DLGAP1: variants seen among roughly 807,000 people sequenced by gnomAD.
DLGAP1 encodes disks large-associated protein 1.
Under a neutral mutation model 90.8 loss-of-function variants are expected in DLGAP1, and 11 were observed. That is an observed-to-expected ratio of 0.12 (90% CI 0.08 to 0.20). The LOEUF (loss-of-function observed/expected upper bound fraction) is 0.20. Ranked by LOEUF, DLGAP1 falls within the 10% of genes least tolerant of loss-of-function variation. The probability of loss-of-function intolerance (pLI) is 1.00; values close to 1 mark genes in which losing one functional copy is unlikely to be tolerated. For synonymous variants in DLGAP1, 558 were observed against 540.7 expected (o/e 1.03, Z -0.44); for missense variants, 1,050 against 1,333.8 (o/e 0.79, Z 3.31).
intron 7 of DLGAP1, chr18:3,596,911 A>G (rs539490303): frequency 1.9e-6 from 1 of 520,014 alleles, no homozygotes; most frequent in Admixed American, 1.9e-5. Context: ...AGCAGGCCAA[A>G]TCCTAATCTA....
At chr18:3,700,799 C>T (rs771948799) in intron 7 of DLGAP1, among the ~76,000 whole-genome samples, 61 of 152,056 alleles carry the variant, frequency 4.0e-4, no homozygotes, top group East Asian at 9.7e-4. Flanking sequence ...TTGGTAAAGA[C>T]GGGGTTTCAC....
In DLGAP1 at chr18:4,004,374, C is replaced by T. The variant is rs1046974303; in HGVS notation, c.-73+742G>A. Among the ~76,000 whole-genome samples the T allele has an allele frequency of 2.0e-5, 3 of 152,096 alleles. No homozygotes were observed. In the East Asian group the frequency reaches 5.8e-4, roughly 29 times the overall value. On this transcript the variant is annotated intron_variant, in intron 3 of 12. Transcript: ENST00000315677. The stretch of plus-strand genomic sequence containing the variant: ...ACTCGGGGAACAGCTACCCCCGAGG[C>T]CCTCTGCCTTCCTCCTGCTCTCCGG...
intron 1 of DLGAP1, among the ~76,000 whole-genome samples, chr18:4,358,357 A>G: frequency 6.6e-6 from 1 of 152,140 alleles, no homozygotes. Flanking sequence ...ATAATGAAAA[A>G]TAATTAGTCC....
Position 3,992,832 on chromosome 18 carries a change from TA to T in DLGAP1, c.-73+12283del, listed in dbSNP as rs372065107. Among the ~76,000 whole-genome samples the T allele has an allele frequency of 1.4e-3, 214 of 152,294 alleles. 3 individuals are homozygous for T. The South Asian group carries it at 0.023, about 17-fold the overall frequency. ...ATAACTATCAAGGTTATTTGGCTAA[TA>T]GGGGGTCCCTGGAAGACCTTTAAGA... On this transcript the variant is annotated intron_variant, in intron 3 of 12. Transcript: ENST00000315677.
intron 4 of DLGAP1, among the ~76,000 whole-genome samples, chr18:3,825,703 G>A (rs932853179): frequency 1.3e-5 from 2 of 151,944 alleles, no homozygotes; most frequent in African/African-American, 4.8e-5. Flanking sequence ...CAATTCACAG[G>A]CAGAGAAAAA....
intron 3 of DLGAP1, among the ~76,000 whole-genome samples, chr18:3,987,519 T>TTCCAAGTG (rs2073867235): frequency 6.6e-6 from 1 of 152,206 alleles, no homozygotes; most frequent in Admixed American, 6.5e-5. Flanking sequence ...CCAGGCATCG[T>TTCCAAGTG]TCCAAGTGCT....
chr18:3,753,281 T>C (rs1433702611), intron 5 of DLGAP1, among the ~76,000 whole-genome samples: 1 of 152,192 alleles, frequency 6.6e-6, no homozygotes, highest in Non-Finnish European at 1.5e-5. Context: ...GGTGCTGGCA[T>C]GCTAGCTGTG....
chr18:3,934,230 G>A (rs1164415476), intron 3 of DLGAP1, among the ~76,000 whole-genome samples: 1 of 152,188 alleles, frequency 6.6e-6, no homozygotes, highest in Non-Finnish European at 1.5e-5. Context: ...AAAGTAGATT[G>A]CAGTGATGTG....
chr18:3,963,878 G>T (rs1158543337), intron 3 of DLGAP1, among the ~76,000 whole-genome samples: 2 of 152,138 alleles, frequency 1.3e-5, no homozygotes, highest in Non-Finnish European at 2.9e-5. Flanking sequence ...AAAAAGGAAG[G>T]TAAAGCCCTT....
At position 4,099,266 on chromosome 18, in the gene DLGAP1, GTCTGTCTA is replaced by G. The variant is rs1391870449; in HGVS notation, c.-159+51906_-159+51913del. On this transcript the variant is annotated intron_variant, in intron 2 of 12. Coordinates refer to ENST00000315677, the MANE Select transcript of DLGAP1 (RefSeq NM_004746.4). ...TGTCTGTCTGTCTGTCTGTCTGTCT[GTCTGTCTA>G]TCTATCTATCTATCTGTCTATCATC... 8.0e-4 allele frequency among the ~76,000 whole-genome samples: 117 copies of G among 146,784 alleles called. 1 individual carries two copies. Among genetic ancestry groups the G allele is most frequent in the East Asian group, 3.1e-3 (15 of 4,896 alleles).
intron 3 of DLGAP1, among the ~76,000 whole-genome samples, chr18:3,927,981 G>T (rs972087157): frequency 1.3e-5 from 2 of 152,122 alleles, no homozygotes; most frequent in Non-Finnish European, 2.9e-5. Flanking sequence ...TTAACCAAAA[G>T]ACCTTGAAGA....
chr18:3,903,590 TA>T (rs1280225059), intron 3 of DLGAP1, among the ~76,000 whole-genome samples: 6 of 152,162 alleles, frequency 3.9e-5, no homozygotes, highest in African/African-American at 1.2e-4. Context: ...AAAATTCTCT[TA>T]ACCCTAGACA....
At chr18:3,964,006 G>A (rs1599230566) in intron 3 of DLGAP1, among the ~76,000 whole-genome samples, 1 of 152,194 alleles carries the variant, frequency 6.6e-6, no homozygotes. Context: ...TGTTGCTACT[G>A]GAAAATTTAA....
intron 2 of DLGAP1, among the ~76,000 whole-genome samples, chr18:4,038,207 A>G (rs1419355618): frequency 6.6e-6 from 1 of 152,232 alleles, no homozygotes; most frequent in East Asian, 1.9e-4. Context: ...ACACGTTTCA[A>G]CCAACATTAA....
intron 1 of DLGAP1, among the ~76,000 whole-genome samples, chr18:4,419,785 A>G (rs8094191): frequency 0.012 from 1,857 of 152,258 alleles, 46 homozygotes; most frequent in African/African-American, 0.043. Flanking sequence ...TTGAGTAAAT[A>G]ATATAGGGAA....
At chr18:3,683,060 G>A (rs2060577735) in intron 7 of DLGAP1, among the ~76,000 whole-genome samples, 2 of 152,042 alleles carry the variant, frequency 1.3e-5, no homozygotes, top group Non-Finnish European at 2.9e-5. Flanking sequence ...GTTTCACCAT[G>A]TTGGCCAGGC....
At chr18:4,320,322 T>G (rs1205551038) in intron 1 of DLGAP1, among the ~76,000 whole-genome samples, 1 of 152,212 alleles carries the variant, frequency 6.6e-6, no homozygotes, top group Non-Finnish European at 1.5e-5. Context: ...TGTTTCTAGA[T>G]GCACTCAAGC....
chr18:4,107,155 T>C (rs1275885227), intron 2 of DLGAP1, among the ~76,000 whole-genome samples: 1 of 152,252 alleles, frequency 6.6e-6, no homozygotes, highest in Non-Finnish European at 1.5e-5. Flanking sequence ...ATTGCCTCTT[T>C]GCTGAAGCAA....
chr18:4,192,832 A>G (rs1285690852), intron 1 of DLGAP1, among the ~76,000 whole-genome samples: 1 of 152,122 alleles, frequency 6.6e-6, no homozygotes, highest in Admixed American at 6.6e-5. Flanking sequence ...CTCGGGGGGA[A>G]TTTAGGATAT....
Sources: allele counts gnomAD v4.1 joint callset (sites outside exome capture counted in the v4.1 genomes callset), GRCh38; gene constraint gnomAD v4.1.1; transcripts MANE v1.5; gene names NCBI Gene and HGNC (gene_info 2026-07-23, HGNC 2026-07-21).